FHIT: variants seen among roughly 807,000 people sequenced by gnomAD.
FHIT encodes the protein fragile histidine triad diadenosine triphosphatase, also known as bis(5'-adenosyl)-triphosphatase.
A neutral mutation model predicts 17.9 loss-of-function variants in FHIT; 19 were observed. The ratio of observed to expected loss-of-function variants is 1.06; its 90% confidence interval spans 0.74 to 1.56. The LOEUF (loss-of-function observed/expected upper bound fraction) is 1.56, where lower values mean the gene tolerates loss of function less well. Ranked by LOEUF, FHIT falls within the 40% of genes most tolerant of loss-of-function variation. The probability of loss-of-function intolerance (pLI) is 0.00; values close to 1 mark genes in which losing one functional copy is unlikely to be tolerated. For synonymous variants in FHIT, 81 were observed against 69.7 expected (o/e 1.16, Z -0.81); for missense variants, 248 against 189.2 (o/e 1.31, Z -1.82).
intron 3 of FHIT, chr3:60,856,582 A>T (rs944693167): frequency 6.6e-6 from 1 of 152,142 alleles, no homozygotes; most frequent in African/African-American, 2.4e-5. Context: ...GAACCACAGA[A>T]ATGACCCCTG....
intron 8 of FHIT, among the ~76,000 whole-genome samples, chr3:59,753,537 C>T (rs1222131725): frequency 6.6e-6 from 1 of 152,108 alleles, no homozygotes; most frequent in South Asian, 2.1e-4. Flanking sequence ...GTGTGTGGCT[C>T]TATACATTGT....
chr3:60,994,058 A>C (rs1193562832), intron 3 of FHIT, among the ~76,000 whole-genome samples: 1 of 152,244 alleles, frequency 6.6e-6, no homozygotes, highest in Non-Finnish European at 1.5e-5. Flanking sequence ...ATAATGTTCA[A>C]ATATTAATTA....
chr3:59,760,559 C>CAAAA (rs35692822), intron 8 of FHIT, among the ~76,000 whole-genome samples: 2 of 135,236 alleles, frequency 1.5e-5, no homozygotes, highest in Admixed American at 1.5e-4. Context: ...CCCATGCCAT[C>CAAAA]AAAAAAAAAA....
intron 3 of FHIT, among the ~76,000 whole-genome samples, chr3:60,867,390 A>T (rs1704213620): frequency 6.6e-6 from 1 of 152,232 alleles, no homozygotes; most frequent in Non-Finnish European, 1.5e-5. Flanking sequence ...TTTACATATC[A>T]AAGACAGTGA....
rs80181651 is a variant in FHIT, at chr3:60,787,903, A to C, written c.-18+34016T>G. On this transcript the variant is annotated intron_variant, in intron 4 of 9. Transcript: ENST00000492590. ...GGTTTTCTTTTGCATTTTTGTACAT[A>C]ATGGCCCCAAAAGAACAGTGCTGAA... is the stretch of plus-strand genomic sequence containing the variant. 1.4e-3 allele frequency among the ~76,000 whole-genome samples: 214 copies of C among 152,202 alleles called. 1 individual carries two copies. Among genetic ancestry groups the C allele is most frequent in the African/African-American group, 5.1e-3 (212 of 41,524 alleles).
intron 4 of FHIT, among the ~76,000 whole-genome samples, chr3:60,648,794 G>A (rs1042040942): frequency 1.6e-4 from 24 of 152,290 alleles, no homozygotes; most frequent in South Asian, 4.1e-4. Context: ...TCCTAAAGGC[G>A]TTTGCGCCTG....
rs1553691005 is a variant in FHIT at position 60,124,041 on chromosome 3, G to GAGAGAGAGAGAGAGAC, written c.104-109905_104-109890dup. 6.8e-3 allele frequency among the ~76,000 whole-genome samples: 325 copies of GAGAGAGAGAGAGAGAC among 47,472 alleles called. 19 individuals carry two copies. The highest frequency in any genetic ancestry group is 0.011 in the African/African-American group (111 of 9,782). The allele number at this position is 47,472 out of a possible 152,430, so 31.1% of individuals were successfully genotyped here. ...AGAGAGAGAGAGAGAGAGAGAGAGAGAGAGAGAGAGAGAGACAGAGAGAGA... is the reference window on the plus strand; with the variant it reads ...AGAGAGAGAGAGAGAGAGAGAGAGAGAGAGAGAGAGAGAGACAGAGAGAGAGAGAGACAGAGAGAGA... On this transcript the variant is annotated intron_variant, in intron 5 of 9. Transcript: ENST00000492590.
At chr3:61,017,859 G>A (rs1199902741) in intron 3 of FHIT, among the ~76,000 whole-genome samples, 1 of 152,086 alleles carries the variant, frequency 6.6e-6, no homozygotes, top group Non-Finnish European at 1.5e-5. Context: ...AGTGGCTAAA[G>A]AGAAAAAATT....
Position 60,060,717 on chromosome 3 carries a change from G to A in FHIT, c.104-46565C>T, listed in dbSNP as rs1576003375. Reference sequence around the variant, plus strand: ...TTTCCAGATTTTAAAAAAGTATAATGACTTTTCTCCCCCAGTGTGATACCA... The same window carrying A: ...TTTCCAGATTTTAAAAAAGTATAATAACTTTTCTCCCCCAGTGTGATACCA... On this transcript the variant is annotated intron_variant, in intron 5 of 9. Coordinates refer to ENST00000492590, the MANE Select transcript of FHIT (RefSeq NM_002012.4). Among the ~76,000 whole-genome samples the A allele has an allele frequency of 4.6e-5, 7 of 152,072 alleles. No homozygotes were observed. The South Asian group carries it at 8.3e-4, about 18-fold the overall frequency.
intron 4 of FHIT, among the ~76,000 whole-genome samples, chr3:60,712,405 G>T (rs1414347562): frequency 6.6e-6 from 1 of 151,940 alleles, no homozygotes; most frequent in East Asian, 1.9e-4. Flanking sequence ...CATAATGACA[G>T]GATCAAATTC....
At chr3:60,740,551 T>C (rs767660906) in intron 4 of FHIT, among the ~76,000 whole-genome samples, 9 of 152,246 alleles carry the variant, frequency 5.9e-5, no homozygotes, top group Non-Finnish European at 1.2e-4. Context: ...AAAATACATG[T>C]AATATAAAAT....
intron 5 of FHIT, among the ~76,000 whole-genome samples, chr3:60,205,978 A>C (rs1360102150): frequency 6.6e-6 from 1 of 150,834 alleles, no homozygotes; most frequent in Non-Finnish European, 1.5e-5. Context: ...TAAAAAAATA[A>C]AAAAATTAGC....
intron 7 of FHIT, among the ~76,000 whole-genome samples, chr3:59,952,441 T>A (rs76749554): frequency 4.8e-5 from 4 of 82,708 alleles, no homozygotes; most frequent in Admixed American, 1.3e-4. Flanking sequence ...CTCCCTCTCT[T>A]GTTACCATTC....
At chr3:60,762,811 G>C (rs773038269) in intron 4 of FHIT, among the ~76,000 whole-genome samples, 5 of 152,170 alleles carry the variant, frequency 3.3e-5, no homozygotes, top group Admixed American at 6.5e-5. Flanking sequence ...CCAGGGAAGA[G>C]GGAATTTTGC....
intron 5 of FHIT, among the ~76,000 whole-genome samples, chr3:60,131,588 C>A (rs1188405075): frequency 2.0e-5 from 3 of 152,084 alleles, no homozygotes; most frequent in African/African-American, 7.2e-5. Context: ...ACAGCCTTTC[C>A]CCCCAGTTCT....
At chr3:60,897,090 A>G (rs1705859516) in intron 3 of FHIT, among the ~76,000 whole-genome samples, 1 of 152,148 alleles carries the variant, frequency 6.6e-6, no homozygotes, top group Non-Finnish European at 1.5e-5. Context: ...TGCACTACCA[A>G]TATCTTCTGG....
intron 5 of FHIT, among the ~76,000 whole-genome samples, chr3:60,231,446 G>T (rs780375304): frequency 6.6e-6 from 1 of 152,118 alleles, no homozygotes; most frequent in Non-Finnish European, 1.5e-5. Flanking sequence ...CAGCCTTCCA[G>T]GTACCCTCAA....
At chr3:59,786,563 C>T (rs1048764247) in intron 8 of FHIT, among the ~76,000 whole-genome samples, 1 of 152,236 alleles carries the variant, frequency 6.6e-6, no homozygotes, top group African/African-American at 2.4e-5. Context: ...ATAATGCTTT[C>T]AACTGTTGCC....
rs183263667 is a variant in FHIT at position 60,586,141 on chromosome 3, C to T, written c.-17-49162G>A. ...AGAAAGGGGGAAATCATCTGAGATC[C>T]CTCTCACATGAGCACACTGGCTGCA... On this transcript the variant is annotated intron_variant, in intron 4 of 9. Transcript: ENST00000492590. Among the ~76,000 whole-genome samples the T allele has an allele frequency of 6.5e-4, 99 of 151,764 alleles. 1 individual carries two copies. Among genetic ancestry groups the T allele is most frequent in the Non-Finnish European group, 1.2e-3 (83 of 67,884 alleles).
Sources: allele counts gnomAD v4.1 joint callset (sites outside exome capture counted in the v4.1 genomes callset), GRCh38; gene constraint gnomAD v4.1.1; transcripts MANE v1.5; gene names NCBI Gene and HGNC (gene_info 2026-07-23, HGNC 2026-07-21).